Variants in RORA observed in about 807,000 individuals in gnomAD.
The protein encoded by RORA is nuclear receptor ROR-alpha.
RORA carries 7 observed loss-of-function variants against 69.5 expected under a neutral mutation model. The observed-to-expected ratio is 0.10, with a 90% CI of 0.06 to 0.19. The LOEUF is 0.19. Ranked by LOEUF, RORA falls within the 10% of genes least tolerant of loss-of-function variation. RORA has a pLI of 1.00. For missense variants in RORA, 457 were observed against 663.0 expected, an observed-to-expected ratio of 0.69 and a Z score of 3.41; for synonymous variants, 261 against 240.8, an observed-to-expected ratio of 1.08 and a Z score of -0.78.
At chr15:60,710,315 C>T (rs766583349) in intron 1 of RORA, among the ~76,000 whole-genome samples, 7 of 151,972 alleles carry the variant, frequency 4.6e-5, no homozygotes, top group Non-Finnish European at 8.8e-5. Context: ...ATGGAGAAAC[C>T]CCATCTCTAC....
At chr15:60,646,413 T>C (rs1231907536) in intron 2 of RORA, among the ~76,000 whole-genome samples, 1 of 152,226 alleles carries the variant, frequency 6.6e-6, no homozygotes, top group Non-Finnish European at 1.5e-5. Flanking sequence ...CTGTATCACA[T>C]AGGATCACAT....
At chr15:60,715,334 TG>T (rs1477424251) in intron 1 of RORA, among the ~76,000 whole-genome samples, 1 of 152,226 alleles carries the variant, frequency 6.6e-6, no homozygotes, top group Non-Finnish European at 1.5e-5. Flanking sequence ...GAAACTTTTT[TG>T]AACACAATGA....
intron 3 of RORA, among the ~76,000 whole-genome samples, chr15:60,526,524 G>A (rs1338833313): frequency 2.0e-5 from 3 of 152,160 alleles, no homozygotes; most frequent in African/African-American, 4.8e-5. Context: ...ATGCAAATTG[G>A]GTTTTAACAC....
intron 1 of RORA, among the ~76,000 whole-genome samples, chr15:60,985,544 C>G (rs1161573194): frequency 6.8e-6 from 1 of 146,738 alleles, no homozygotes; most frequent in East Asian, 2.0e-4. Context: ...TTCTCACATA[C>G]GAAAAATTAA....
At chr15:61,193,274 T>C (rs888448198) in intron 1 of RORA, among the ~76,000 whole-genome samples, 9 of 152,218 alleles carry the variant, frequency 5.9e-5, no homozygotes, top group African/African-American at 2.2e-4. Context: ...TTAGAATCTA[T>C]ATGTGTTCCA....
chr15:60,947,617 G>T (rs954647197), intron 1 of RORA, among the ~76,000 whole-genome samples: 7 of 140,160 alleles, frequency 5.0e-5, no homozygotes, highest in Non-Finnish European at 9.0e-5. Flanking sequence ...TTTATCTGCT[G>T]ACCTTCCCTC....
chr15:60,831,940 A>G (rs929238777), intron 1 of RORA, among the ~76,000 whole-genome samples: 2 of 152,186 alleles, frequency 1.3e-5, no homozygotes, highest in African/African-American at 4.8e-5. Context: ...ATATGGTAGG[A>G]GGTACACAAA....
At chr15:61,190,622 G>A (rs1186767767) in intron 1 of RORA, among the ~76,000 whole-genome samples, 1 of 151,978 alleles carries the variant, frequency 6.6e-6, no homozygotes, top group Admixed American at 6.6e-5. Context: ...GAGTCTAAGG[G>A]AGGCTATGGG....
chr15:61,062,663 T>C (rs1212576863), intron 1 of RORA, among the ~76,000 whole-genome samples: 1 of 152,192 alleles, frequency 6.6e-6, no homozygotes, highest in Non-Finnish European at 1.5e-5. Flanking sequence ...ATCATATGTA[T>C]ATTAATTTAT....
At chr15:60,903,303 G>C (rs554226423) in intron 1 of RORA, among the ~76,000 whole-genome samples, 6 of 152,362 alleles carry the variant, frequency 3.9e-5, no homozygotes, top group Non-Finnish European at 8.8e-5. Context: ...TGCAGCTTCA[G>C]AGTAAATCAA....
chr15:61,160,380 C>T (rs1350020527), intron 1 of RORA, among the ~76,000 whole-genome samples: 1 of 152,192 alleles, frequency 6.6e-6, no homozygotes, highest in Non-Finnish European at 1.5e-5. Context: ...GTTCATGTTA[C>T]ATTACACATT....
chr15:60,812,499 G>T (rs1253924040), intron 1 of RORA, among the ~76,000 whole-genome samples: 5 of 152,150 alleles, frequency 3.3e-5, no homozygotes, highest in Admixed American at 6.5e-5. Context: ...AACAGACTGA[G>T]GCCCTGTGTC....
At chr15:61,186,316 C>T (rs2079740926) in intron 1 of RORA, among the ~76,000 whole-genome samples, 1 of 152,082 alleles carries the variant, frequency 6.6e-6, no homozygotes. Context: ...CCCTGATGTG[C>T]ATCAGAACCA....
At chr15:60,594,692 A>G (rs1325867282) in intron 2 of RORA, among the ~76,000 whole-genome samples, 3 of 152,266 alleles carry the variant, frequency 2.0e-5, no homozygotes, top group African/African-American at 7.2e-5. Context: ...AACATGTAAC[A>G]TGACATCTGC....
chr15:60,910,697 T>C (rs886573501), intron 1 of RORA, among the ~76,000 whole-genome samples: 1 of 152,188 alleles, frequency 6.6e-6, no homozygotes, highest in Non-Finnish European at 1.5e-5. Flanking sequence ...TAGTTCCATC[T>C]CATTTTCTCC....
intron 10 of RORA, among the ~76,000 whole-genome samples, chr15:60,497,825 G>C (rs1026398320): frequency 3.3e-5 from 5 of 152,072 alleles, no homozygotes; most frequent in Non-Finnish European, 7.4e-5. Context: ...TTGGGAGGCC[G>C]AGGCGGTTGG....
At chr15:60,804,198 G>C (rs769809283) in intron 1 of RORA, among the ~76,000 whole-genome samples, 1 of 144,120 alleles carries the variant, frequency 6.9e-6, no homozygotes, top group Admixed American at 7.4e-5. Flanking sequence ...GGAGGCAGGA[G>C]AATTGCTTGA....
chr15:60,880,086 C>T (rs938482301), intron 1 of RORA, among the ~76,000 whole-genome samples: 40 of 152,204 alleles, frequency 2.6e-4, no homozygotes, highest in African/African-American at 9.7e-4. Context: ...TTGTAAGGAG[C>T]AGTTCTGCCT....
At position 60,489,765 on chromosome 15, in the gene RORA, G is replaced by A. The variant is rs1050363635; in HGVS notation, c.*7690C>T. On this transcript the variant is annotated 3_prime_UTR_variant, in exon 11 of 11. Transcript: ENST00000335670. ...TTTATTCTGCCATCAAGCCATCTAG[G>A]ATATTTTATGTAAATGCCCATTATC... 4 of 152,032 alleles carry A rather than the reference G, an allele frequency of 2.6e-5. No homozygotes were observed. Among genetic ancestry groups the A allele is most frequent in the African/African-American group, 9.7e-5 (4 of 41,362 alleles). The allele number at this position is 152,032 out of a possible 1,614,324, so 9.4% of individuals were successfully genotyped here.
Sources: gnomAD v4.1 joint callset for allele counts (sites outside exome capture counted in the v4.1 genomes callset) on GRCh38, gnomAD v4.1.1 for gene constraint, MANE v1.5 for transcripts, NCBI Gene and HGNC (gene_info 2026-07-23, HGNC 2026-07-21) for gene names.